The following USP25 variants were observed in gnomAD, a reference collection of about 807,000 sequenced individuals.
USP25 encodes ubiquitin specific peptidase 25.
In USP25, 85 loss-of-function variants were observed where a neutral mutation model predicts 158.5. The observed-to-expected ratio is 0.54, with a 90% confidence interval of 0.45 to 0.64. USP25 has a LOEUF of 0.64. Ranked by LOEUF, USP25 falls within the 30% of genes least tolerant of loss-of-function variation. The probability of loss-of-function intolerance (pLI) is 0.00; values close to 1 mark genes in which losing one functional copy is unlikely to be tolerated. For synonymous variants in USP25, 464 were observed against 460.4 expected, an observed-to-expected ratio of 1.01 and a Z score of -0.10; for missense variants, 1,242 against 1,327.3, an observed-to-expected ratio of 0.94 and a Z score of 1.00.
Position 15,877,814 on chromosome 21 carries a change from G to A in USP25, c.3028G>A (p.Ala1010Thr), listed in dbSNP as rs34979861. ...CATTAAGAAATTAAATGAGCAAGCC[G>A]CAGAACTCTTCGAATCTGGAGAGGA... ...ECLLKLNEQA[A>T]ELFESGEDRE... is the part of the protein sequence containing the mutation. Residue 1010 changes from alanine to threonine, a missense_variant, in exon 25 of 26, where the codon GCA becomes ACA. Physicochemically the swap from Ala to Thr is moderately conservative, Grantham distance 58. Around this residue, in one of 3 missense-constraint regions of USP25, gnomAD observed 608 missense variants for 605.2 expected, o/e 1.00. Transcript: ENST00000400183. The A allele has an allele frequency of 1.2e-3, 1,857 of 1,609,860 alleles. 4 individuals are homozygous for A. Among genetic ancestry groups the A allele is most frequent in the African/African-American group, 8.8e-3 (658 of 74,736 alleles).
intron 4 of USP25, among the ~76,000 whole-genome samples, chr21:15,791,026 A>G (rs2035561453): frequency 2.0e-5 from 3 of 151,930 alleles, no homozygotes; most frequent in Admixed American, 1.3e-4. Context: ...AAGGAATCAT[A>G]AAGTTTAACT....
At chr21:15,753,287 T>G (rs1390246953) in intron 1 of USP25, among the ~76,000 whole-genome samples, 1 of 152,156 alleles carries the variant, frequency 6.6e-6, no homozygotes, top group Non-Finnish European at 1.5e-5. Flanking sequence ...TTCATCTGCA[T>G]GTTGCGAGGG....
chr21:15,791,718 A>T, intron 5 of USP25, 54 bp downstream of exon 5: 1 of 1,538,684 alleles, frequency 6.5e-7, no homozygotes, highest in Non-Finnish European at 8.8e-7. Context: ...AGCAATGGAA[A>T]GTGAGTTGGT....
intron 20 of USP25, among the ~76,000 whole-genome samples, chr21:15,855,036 TAAAAA>T (rs1226119085): frequency 6.6e-6 from 1 of 152,154 alleles, no homozygotes. Flanking sequence ...AGCCAGAAGA[TAAAAA>T]CAAAATATTT....
At chr21:15,741,734 A>G (rs986357355) in intron 1 of USP25, among the ~76,000 whole-genome samples, 1 of 152,226 alleles carries the variant, frequency 6.6e-6, no homozygotes, top group African/African-American at 2.4e-5. Context: ...AAATGGCAAA[A>G]ATGTCAGAGA....
At chr21:15,872,018 T>TG (rs1277868376) in intron 23 of USP25, among the ~76,000 whole-genome samples, 2 of 133,838 alleles carry the variant, frequency 1.5e-5, no homozygotes, top group Middle Eastern at 3.6e-3. Flanking sequence ...AATACTGTTT[T>TG]TTTTTTTTTT....
In USP25 at chr21:15,830,573, T is replaced by C. The variant is rs1176582850; in HGVS notation, c.1736T>C (p.Leu579Ser). 3 of 1,604,092 alleles carry C rather than the reference T, an allele frequency of 1.9e-6. No individual in the cohort carries two copies. The highest frequency in any genetic ancestry group is 2.3e-5 in the South Asian group (2 of 88,568). The part of the protein sequence containing the change: ...SISRIHRTIE[L>S]MYSDKSMIQV... ...TCCAGAATCCATCGAACAATTGAAT[T>C]AATGTACTCTGACAAATCTATGATA... Residue 579 changes from leucine to serine, a missense_variant, in exon 15 of 26, where the codon TTA (leucine) becomes TCA (serine). Transcript: ENST00000400183.
At chr21:15,744,667 C>CTG (rs556973438) in intron 1 of USP25, among the ~76,000 whole-genome samples, 15 of 152,104 alleles carry the variant, frequency 9.9e-5, no homozygotes, top group Non-Finnish European at 1.8e-4. Flanking sequence ...CAGCTCACGG[C>CTG]AGCCCCCACC....
In USP25 at chr21:15,875,638, C is replaced by G. The variant is rs768351985; in HGVS notation, c.3009+1112C>G. Among the ~76,000 whole-genome samples, 9 of 152,128 alleles carry G rather than the reference C, an allele frequency of 5.9e-5. No individual in the cohort carries two copies. Among genetic ancestry groups the G allele is most frequent in the Non-Finnish European group, 1.2e-4 (8 of 68,020 alleles). ...GAGACAAGGTAAACCTCGTCTGGAT[C>G]TTGATGGATAAATAGAAGTTTTATT... is the stretch of plus-strand genomic sequence containing the variant. On this transcript the variant is annotated intron_variant, in intron 24 of 25. Coordinates refer to ENST00000400183, the MANE Select transcript of USP25 (RefSeq NM_001283041.3). The surrounding 1 kb of genome is among the most constrained non-coding windows in gnomAD (Gnocchi z 4.7).
chr21:15,857,552 A>T (rs1288717400), intron 20 of USP25, among the ~76,000 whole-genome samples: 3 of 152,132 alleles, frequency 2.0e-5, no homozygotes, highest in Non-Finnish European at 4.4e-5. Flanking sequence ...ATTGGTATTT[A>T]TGTTGACTGT....
chr21:15,783,489 A>C (rs1044654095), intron 4 of USP25, among the ~76,000 whole-genome samples: 1 of 152,230 alleles, frequency 6.6e-6, no homozygotes, highest in Admixed American at 6.5e-5. Flanking sequence ...AGACAAAAAC[A>C]TTACGTCACA....
At chr21:15,778,566 G>A (rs2034788930) in intron 4 of USP25, among the ~76,000 whole-genome samples, 1 of 152,040 alleles carries the variant, frequency 6.6e-6, no homozygotes, top group East Asian at 1.9e-4. Context: ...CTGATCTATA[G>A]CATGATAATA....
chr21:15,821,015 G>A (rs1458246756), intron 10 of USP25, among the ~76,000 whole-genome samples: 2 of 151,842 alleles, frequency 1.3e-5, no homozygotes, highest in Non-Finnish European at 2.9e-5. Context: ...CTTTTAAATG[G>A]TATGCAATTT....
intron 21 of USP25, 32 bp downstream of exon 21, chr21:15,864,478 A>G: frequency 6.5e-7 from 1 of 1,548,798 alleles, no homozygotes; most frequent in Non-Finnish European, 8.7e-7. Context: ...CATATGCTCA[A>G]ATCGTTCTTT....
chr21:15,823,383 C>T (rs1325331071), intron 10 of USP25, among the ~76,000 whole-genome samples: 5 of 151,960 alleles, frequency 3.3e-5, no homozygotes, highest in Admixed American at 1.3e-4. Context: ...AAGGAAATTA[C>T]GGCTATACTC....
intron 5 of USP25, among the ~76,000 whole-genome samples, chr21:15,798,345 A>G (rs1746517001): frequency 6.6e-6 from 1 of 151,200 alleles, no homozygotes; most frequent in South Asian, 2.1e-4. Flanking sequence ...GCAGTTTATT[A>G]GAATACACAA....
intron 5 of USP25, among the ~76,000 whole-genome samples, chr21:15,792,914 T>A (rs765163559): frequency 4.6e-5 from 7 of 151,676 alleles, no homozygotes; most frequent in Non-Finnish European, 8.9e-5. Context: ...TCTTTGCTTC[T>A]AGCCTTGATT....
chr21:15,871,513 T>C (rs1000807420), intron 23 of USP25, among the ~76,000 whole-genome samples: 4 of 152,144 alleles, frequency 2.6e-5, no homozygotes, highest in African/African-American at 9.7e-5. Context: ...GAAGAAAAAT[T>C]AAAATAGAGA....
chr21:15,822,160 C>T (rs1033060429), intron 10 of USP25, among the ~76,000 whole-genome samples: 4 of 151,586 alleles, frequency 2.6e-5, no homozygotes, highest in South Asian at 2.1e-4. Context: ...TCTCATGTTT[C>T]GTATTATTTA....
Sources: allele counts gnomAD v4.1 joint callset (sites outside exome capture counted in the v4.1 genomes callset), GRCh38; gene constraint gnomAD v4.1.1; regional missense constraint gnomAD v4.1.1; non-coding constraint Gnocchi (gnomAD v3.1); transcripts MANE v1.5; gene names NCBI Gene and HGNC (gene_info 2026-07-23, HGNC 2026-07-21).